Variants in ADAMTS19 observed in about 807,000 individuals in gnomAD.
ADAMTS19 encodes the protein ADAM metallopeptidase with thrombospondin type 1 motif 19.
ADAMTS19 carries 93 observed loss-of-function variants against 153.3 expected under a neutral mutation model. That is an observed-to-expected ratio of 0.61 (90% CI 0.51 to 0.72). The LOEUF (loss-of-function observed/expected upper bound fraction) is 0.72, where lower values mean the gene tolerates loss of function less well. Among genes scored for constraint, ADAMTS19 ranks in the 30% least tolerant of loss-of-function variants. ADAMTS19 has a pLI of 0.00. For missense variants in ADAMTS19, 1,482 were observed against 1,552.1 expected, an observed-to-expected ratio of 0.95 and a Z score of 0.76; for synonymous variants, 600 against 556.6, an observed-to-expected ratio of 1.08 and a Z score of -1.10.
intron 7 of ADAMTS19, among the ~76,000 whole-genome samples, chr5:129,586,851 C>T (rs1033152991): frequency 6.6e-6 from 1 of 152,150 alleles, no homozygotes; most frequent in Non-Finnish European, 1.5e-5. Context: ...CCTTGCTGAG[C>T]TTTGTTTATT....
chr5:129,508,873 A>C (rs1329217268), intron 2 of ADAMTS19, among the ~76,000 whole-genome samples: 1 of 152,030 alleles, frequency 6.6e-6, no homozygotes. Context: ...TAACTAAATG[A>C]AGTTTATGTT....
chr5:129,692,485 C>T (rs925864228), intron 18 of ADAMTS19, among the ~76,000 whole-genome samples: 3 of 152,286 alleles, frequency 2.0e-5, no homozygotes, highest in South Asian at 2.1e-4. Context: ...GCATGGACAG[C>T]TTCTAAGTAT....
At chr5:129,647,335 G>T (rs766538883) in intron 11 of ADAMTS19, among the ~76,000 whole-genome samples, 14 of 151,680 alleles carry the variant, frequency 9.2e-5, no homozygotes, top group Admixed American at 2.6e-4. Context: ...TACTAAATTT[G>T]CTAAAAATGT....
intron 7 of ADAMTS19, among the ~76,000 whole-genome samples, chr5:129,561,286 G>T (rs1003070803): frequency 6.6e-6 from 1 of 152,148 alleles, no homozygotes; most frequent in South Asian, 2.1e-4. Context: ...CCTGTATGAG[G>T]AAAATGTGGC....
chr5:129,592,488 A>G (rs1329412343), intron 7 of ADAMTS19, among the ~76,000 whole-genome samples: 2 of 152,128 alleles, frequency 1.3e-5, no homozygotes, highest in African/African-American at 2.4e-5. Flanking sequence ...TTATTATAAT[A>G]ACACACGTGG....
At chr5:129,538,856 C>A (rs1752554416) in intron 6 of ADAMTS19, among the ~76,000 whole-genome samples, 1 of 151,944 alleles carries the variant, frequency 6.6e-6, no homozygotes, top group Non-Finnish European at 1.5e-5. Context: ...TTAAGTATAA[C>A]TTTTAAATAT....
chr5:129,481,356 C>G (rs79600097), intron 2 of ADAMTS19, among the ~76,000 whole-genome samples: 13,680 of 152,090 alleles, frequency 0.09, 870 homozygotes, highest in East Asian at 0.34. Flanking sequence ...GAAACCACCC[C>G]CCATGATCTA....
At chr5:129,665,881 C>CATATATATATATATATATATAT (rs3979171) in intron 16 of ADAMTS19, among the ~76,000 whole-genome samples, 11 of 143,680 alleles carry the variant, frequency 7.7e-5, no homozygotes, top group African/African-American at 2.5e-4. Flanking sequence ...GATTTATATT[C>CATATATATATATATATATATAT]ATATATATAT....
chr5:129,735,126 A>T lies in ADAMTS19; in HGVS notation c.3490+17A>T, dbSNP rs1274627097. 1 of 1,536,406 alleles carries T rather than the reference A, an allele frequency of 6.5e-7. No homozygotes were observed. Among genetic ancestry groups the T allele is most frequent in the Non-Finnish European group, 8.7e-7 (1 of 1,145,864 alleles). ...CCAGACTGGGTAAGCAGACAAAAAA[A>T]AAAGATGCTTTTGAAAAACATAGAA... is the stretch of plus-strand genomic sequence containing the variant. On this transcript the variant is annotated intron_variant, in intron 22 of 22. Coordinates refer to ENST00000274487, the MANE Select transcript of ADAMTS19 (RefSeq NM_133638.6).
chr5:129,521,363 A>C (rs1158285751), intron 3 of ADAMTS19, among the ~76,000 whole-genome samples: 3 of 152,162 alleles, frequency 2.0e-5, no homozygotes, highest in African/African-American at 7.2e-5. Flanking sequence ...ATTCATTTCC[A>C]TATTAAAAAT....
chr5:129,719,834 A>G (rs768005994), intron 21 of ADAMTS19, among the ~76,000 whole-genome samples: 19 of 152,090 alleles, frequency 1.2e-4, no homozygotes, highest in Non-Finnish European at 2.8e-4. Context: ...TGAGGTCAGG[A>G]GTTCAAGACC....
chr5:129,586,928 TTTG>T (rs1749831453), intron 7 of ADAMTS19, among the ~76,000 whole-genome samples: 1 of 152,194 alleles, frequency 6.6e-6, no homozygotes, highest in Admixed American at 6.5e-5. Flanking sequence ...AATGTCATAT[TTTG>T]TTGTCTGTTT....
At chr5:129,521,291 G>T (rs569350458) in intron 3 of ADAMTS19, among the ~76,000 whole-genome samples, 41 of 151,970 alleles carry the variant, frequency 2.7e-4, no homozygotes, top group African/African-American at 9.9e-4. Flanking sequence ...TATACATCTA[G>T]GTGTACCTTT....
At chr5:129,608,075 T>A (rs1236982346) in intron 8 of ADAMTS19, among the ~76,000 whole-genome samples, 1 of 137,970 alleles carries the variant, frequency 7.2e-6, no homozygotes, top group Non-Finnish European at 1.5e-5. Flanking sequence ...ATTATATAAT[T>A]GGAATTTTAT....
chr5:129,666,874 G>A (rs187021932), intron 16 of ADAMTS19, among the ~76,000 whole-genome samples: 1 of 152,218 alleles, frequency 6.6e-6, no homozygotes, highest in East Asian at 1.9e-4. Flanking sequence ...TTCCAAGCTG[G>A]AAAGGAATAT....
At chr5:129,709,303 A>G (rs73785258) in intron 21 of ADAMTS19, among the ~76,000 whole-genome samples, 6 of 152,004 alleles carry the variant, frequency 3.9e-5, no homozygotes, top group African/African-American at 1.4e-4. Flanking sequence ...TTGTTTTCTC[A>G]TTTTCTATGG....
At chr5:129,610,734 G>C (rs372518317) in intron 8 of ADAMTS19, among the ~76,000 whole-genome samples, 5 of 152,016 alleles carry the variant, frequency 3.3e-5, no homozygotes, top group African/African-American at 7.3e-5. Flanking sequence ...ATTGTGAATA[G>C]TGCCGCAATA....
intron 21 of ADAMTS19, among the ~76,000 whole-genome samples, chr5:129,706,230 G>T (rs924364933): frequency 1.3e-5 from 2 of 152,088 alleles, no homozygotes; most frequent in South Asian, 4.1e-4. Context: ...TACAAACCAC[G>T]TAAAAAACTG....
Position 129,658,309 on chromosome 5 carries a change from AAAAGAAAGAAAGAAAGAAAGAAAGAAAG to A in ADAMTS19, c.2305-274_2305-247del, listed in dbSNP as rs150048700. On this transcript the variant is annotated intron_variant, in intron 14 of 22. Transcript: ENST00000274487. ...TGAAAGAAAAAGAAAGAAAGAAAGAAAAAGAAAGAAAGAAAGAAAGAAAGAAAGAAAGAAAGAAAGAAAGAAAGAAAGA... is the reference window on the plus strand; with the variant it reads ...TGAAAGAAAAAGAAAGAAAGAAAGAAAAAGAAAGAAAGAAAGAAAGAAAGA... Among the ~76,000 whole-genome samples, 49 of 113,686 alleles carry A rather than the reference AAAAGAAAGAAAGAAAGAAAGAAAGAAAG, an allele frequency of 4.3e-4. 1 individual carries two copies. The highest frequency in any genetic ancestry group is 4.8e-3 in the Middle Eastern group (1 of 210). 74.6% of individuals were successfully genotyped at this position (113,686 alleles called of 152,430 possible).
Sources: gnomAD v4.1 joint callset for allele counts (sites outside exome capture counted in the v4.1 genomes callset) on GRCh38, gnomAD v4.1.1 for gene constraint, MANE v1.5 for transcripts, NCBI Gene and HGNC (gene_info 2026-07-23, HGNC 2026-07-21) for gene names.